PDE9A: variants seen among roughly 807,000 people sequenced by gnomAD.
PDE9A encodes the protein high affinity cGMP-specific 3',5'-cyclic phosphodiesterase 9A.
PDE9A carries 60 observed loss-of-function variants against 87.4 expected under a neutral mutation model. The ratio of observed to expected loss-of-function variants is 0.69; its 90% CI spans 0.56 to 0.85. The LOEUF is 0.85. PDE9A is among the 40% of genes least tolerant of loss of function. PDE9A has a pLI of 0.00. For synonymous variants in PDE9A, 272 were observed against 279.4 expected (o/e 0.97, Z 0.27); for missense variants, 665 against 779.0 (o/e 0.85, Z 1.74).
intron 4 of PDE9A, among the ~76,000 whole-genome samples, chr21:42,703,847 C>T (rs1238393033): frequency 1.3e-5 from 2 of 152,212 alleles, no homozygotes; most frequent in East Asian, 3.9e-4. Flanking sequence ...CACAAAGGCT[C>T]ACATTAAACT....
At position 42,731,911 on chromosome 21, in the gene PDE9A, C is replaced by T. The variant is rs762900988; in HGVS notation, c.404C>T (p.Pro135Leu). 1.1e-5 allele frequency: 17 copies of T among 1,613,972 alleles called. No individual in the cohort carries two copies. In the East Asian group the frequency reaches 3.8e-4, roughly 36 times the overall value. ...CAGGTAGAGCCCAGGCCCAGAGAGC[C>T]CCAGGGCTGCTACCAGGAAGGCCAG... ...SGQVEPRPRE[P>L]QGCYQEGQRI... The change falls in exon 5 of 20, where the codon CCC becomes CTC. Residue 135 changes from proline to leucine, a missense_variant. Coordinates refer to ENST00000291539, the MANE Select transcript of PDE9A (RefSeq NM_002606.3).
chr21:42,768,951 G>C, intron 16 of PDE9A, 76 bp from the exon 17 acceptor site: 2 of 1,525,614 alleles, frequency 1.3e-6, no homozygotes, highest in Non-Finnish European at 8.8e-7. Context: ...GGCGCATCTT[G>C]TCTTTCTCTG....
In PDE9A at chr21:42,770,808, A is replaced by G. The variant is rs1473811484; in HGVS notation, c.1686+10A>G. The G allele has an allele frequency of 6.2e-7, 1 of 1,602,998 alleles. No homozygotes were observed. Among genetic ancestry groups the G allele is most frequent in the South Asian group, 1.1e-5 (1 of 90,870 alleles). ...TGACGCCATGAAAGAGGTAAAACAC[A>G]CTGAGAAGAGCCTGCCTTCCTTGCG... On this transcript the variant is annotated intron_variant, in intron 18 of 19. Transcript: ENST00000291539.
At chr21:42,769,206 TGCACACACAG>T (rs760698004) in intron 17 of PDE9A, 51 bp downstream of exon 17, 35 of 1,567,728 alleles carry the variant, frequency 2.2e-5, no homozygotes, top group African/African-American at 8.1e-5. Context: ...GATACATGCA[TGCACACACAG>T]GCACACACAC....
intron 10 of PDE9A, among the ~76,000 whole-genome samples, chr21:42,756,575 AGC>A (rs1259443802): frequency 7.4e-6 from 1 of 134,908 alleles, no homozygotes; most frequent in African/African-American, 3.1e-5. Flanking sequence ...GTGGCCCGTG[AGC>A]GTGGCCTGCC....
chr21:42,715,503 T>C (rs2049822323), intron 4 of PDE9A, among the ~76,000 whole-genome samples: 1 of 151,662 alleles, frequency 6.6e-6, no homozygotes. Context: ...GGCGCACACC[T>C]GTAATGCCAA....
chr21:42,686,220 G>C lies in PDE9A; in HGVS notation c.98G>C (p.Ser33Thr). The C allele has an allele frequency of 6.2e-7, 1 of 1,613,990 alleles. No homozygotes were observed. The highest frequency in any genetic ancestry group is 8.5e-7 in the Non-Finnish European group (1 of 1,179,856). ...ATCTTCAGCAAGTACTGCAACTCCA[G>C]CGACATCATGGACCTGTTCTGCATC... is the stretch of plus-strand genomic sequence containing the variant. Reference protein sequence around the residue: ...KVIFSKYCNSSDIMDLFCIAT... With the variant: ...KVIFSKYCNSTDIMDLFCIAT... Residue 33 changes from serine (S) to threonine (T), a missense_variant, in exon 2 of 20, where the codon AGC (serine) becomes ACC (threonine). Ser to Thr is a moderately conservative substitution (Grantham distance 58). Transcript: ENST00000291539.
At position 42,722,449 on chromosome 21, in the gene PDE9A, C is replaced by T. The variant is rs756410852; in HGVS notation, c.263-9321C>T. Among the ~76,000 whole-genome samples the T allele has an allele frequency of 1.2e-4, 18 of 152,192 alleles. No individual in the cohort carries two copies. Among genetic ancestry groups the T allele is most frequent in the African/African-American group, 3.4e-4 (14 of 41,438 alleles). On this transcript the variant is annotated intron_variant, in intron 4 of 19. Transcript: ENST00000291539. This position sits in a 1 kb window ranked among gnomAD's most constrained non-coding sequence, Gnocchi z 4.1. ...GCCCAGTGATGCCGTGCAATGGCTACGATCAAGGGCAATAGAATGGATCGT... is the reference window on the plus strand; with the variant it reads ...GCCCAGTGATGCCGTGCAATGGCTATGATCAAGGGCAATAGAATGGATCGT...
At chr21:42,681,294 T>C (rs71320543) in intron 1 of PDE9A, among the ~76,000 whole-genome samples, 3,511 of 152,346 alleles carry the variant, frequency 0.023, 66 homozygotes, top group South Asian at 0.046. Context: ...CTCCTTCCAT[T>C]ACGTGGTGTC....
chr21:42,749,415 G>GC (rs1474186248), intron 8 of PDE9A, among the ~76,000 whole-genome samples: 7 of 152,078 alleles, frequency 4.6e-5, no homozygotes, highest in African/African-American at 1.7e-4. Flanking sequence ...GATCGGCCCA[G>GC]CCCCCTGGTG....
chr21:42,667,103 A>G (rs1016859120), intron 1 of PDE9A, among the ~76,000 whole-genome samples: 2 of 149,430 alleles, frequency 1.3e-5, no homozygotes, highest in Non-Finnish European at 3.0e-5. Context: ...TCCTCCAGCC[A>G]GGGGTGAAGG....
Position 42,655,483 on chromosome 21 carries a change from G to A in PDE9A, c.69+1600G>A, listed in dbSNP as rs113608716. ...GGTAGCTTTTCACAGTGGACACGCTGAGGTTGGGGTGATCTCCAGAAAAGC... is the reference window on the plus strand; with the variant it reads ...GGTAGCTTTTCACAGTGGACACGCTAAGGTTGGGGTGATCTCCAGAAAAGC... On this transcript the variant is annotated intron_variant, in intron 1 of 19. Coordinates refer to ENST00000291539, the MANE Select transcript of PDE9A (RefSeq NM_002606.3). 1.7e-3 allele frequency among the ~76,000 whole-genome samples: 264 copies of A among 152,282 alleles called. 2 individuals are homozygous for A. The highest frequency in any genetic ancestry group is 6.2e-3 in the African/African-American group (257 of 41,558).
At chr21:42,732,018 A>G (rs2051833834) in intron 5 of PDE9A, 52 bp from the exon 6 acceptor site, 2 of 1,612,390 alleles carry the variant, frequency 1.2e-6, no homozygotes, top group East Asian at 4.5e-5. Context: ...AATGGCCTAC[A>G]CATCTTTTCC....
chr21:42,706,144 C>T (rs193249182), intron 4 of PDE9A, among the ~76,000 whole-genome samples: 315 of 152,328 alleles, frequency 2.1e-3, no homozygotes, highest in Admixed American at 3.5e-3. Flanking sequence ...CGGAGCTGCC[C>T]CCACATGAGA....
At chr21:42,713,682 T>A (rs1039072673) in intron 4 of PDE9A, among the ~76,000 whole-genome samples, 14 of 152,228 alleles carry the variant, frequency 9.2e-5, no homozygotes, top group Non-Finnish European at 1.9e-4. Flanking sequence ...TTTGGGTTTT[T>A]TGTGTGTGTC....
chr21:42,736,483 T>C (rs2052458138), intron 7 of PDE9A, among the ~76,000 whole-genome samples: 2 of 152,098 alleles, frequency 1.3e-5, no homozygotes, highest in South Asian at 2.1e-4. Context: ...TAAATGCACA[T>C]AGATGGCCTG....
At chr21:42,686,890 T>C (rs2059506337) in intron 2 of PDE9A, among the ~76,000 whole-genome samples, 1 of 152,262 alleles carries the variant, frequency 6.6e-6, no homozygotes, top group African/African-American at 2.4e-5. Flanking sequence ...GAAAGCGGGG[T>C]GGTTGTGTGT....
rs2059931667 is a variant in PDE9A, at chr21:42,692,876, TC to T, written c.218+4884del. Among the ~76,000 whole-genome samples the T allele has an allele frequency of 6.6e-6, 1 of 152,202 alleles. No homozygotes were observed. Among genetic ancestry groups the T allele is most frequent in the Non-Finnish European group, 1.5e-5 (1 of 68,034 alleles). On this transcript the variant is annotated intron_variant, in intron 3 of 19. Transcript: ENST00000291539. This position sits in a 1 kb window ranked among gnomAD's most constrained non-coding sequence, Gnocchi z 4.3. Reference sequence around the variant, plus strand: ...CCGCACGCCTTGCTCCTCGCACTCTTCCTGCACCGGAGCCGCGGTGCGAGGC... The same window carrying T: ...CCGCACGCCTTGCTCCTCGCACTCTTCTGCACCGGAGCCGCGGTGCGAGGC...
intron 1 of PDE9A, among the ~76,000 whole-genome samples, chr21:42,668,757 C>A (rs1301733148): frequency 6.6e-6 from 1 of 152,190 alleles, no homozygotes; most frequent in Non-Finnish European, 1.5e-5. Context: ...GGGAAATGGG[C>A]CCTGAAATCC....
Sources: gnomAD v4.1 joint callset for allele counts (sites outside exome capture counted in the v4.1 genomes callset) on GRCh38, gnomAD v4.1.1 for gene constraint, Gnocchi (gnomAD v3.1) non-coding constraint, MANE v1.5 for transcripts, NCBI Gene and HGNC (gene_info 2026-07-23, HGNC 2026-07-21) for gene names.